IQCH: variants seen among roughly 807,000 people sequenced by gnomAD.
The protein encoded by IQCH is IQ motif containing H.
In IQCH, 98 loss-of-function variants were observed where a neutral mutation model predicts 117.0. That is an observed-to-expected ratio of 0.84 (90% CI 0.71 to 0.99). The LOEUF (loss-of-function observed/expected upper bound fraction) is 0.99, where lower values mean the gene tolerates loss of function less well. Ranked by LOEUF, IQCH falls within the 50% of genes least tolerant of loss-of-function variation. The probability of loss-of-function intolerance (pLI) is 0.00; values close to 1 mark genes in which losing one functional copy is unlikely to be tolerated. For missense variants in IQCH, 1,102 were observed against 1,243.8 expected (o/e 0.89, Z 1.72); for synonymous variants, 412 against 448.2 (o/e 0.92, Z 1.02).
chr15:67,391,780 C>T lies in IQCH; in HGVS notation c.1632+2774C>T, dbSNP rs912937124. On this transcript the variant is annotated intron_variant, in intron 12 of 20. Transcript: ENST00000335894. The surrounding 1 kb of genome is among the most constrained non-coding windows in gnomAD (Gnocchi z 4.3). ...TATTCACATTTAAATCTTTATTAAA[C>T]ACATATTGAACACAATACTGTGGCA... Among the ~76,000 whole-genome samples the T allele has an allele frequency of 3.3e-5, 5 of 152,180 alleles. No individual in the cohort carries two copies. The highest frequency in any genetic ancestry group is 9.7e-5 in the African/African-American group (4 of 41,442).
chr15:67,475,970 CAG>C lies in IQCH; in HGVS notation c.2799+154_2799+155del. ...AGGCTGATTGCTGCTTGGGGAAGAG[CAG>C]ATACGCAACTCCACAGAAAGTAGCA... On this transcript the variant is annotated intron_variant, in intron 18 of 20. Transcript: ENST00000335894. The surrounding 1 kb of genome is among the most constrained non-coding windows in gnomAD (Gnocchi z 5.7). 1 of 674,126 alleles carries C rather than the reference CAG, an allele frequency of 1.5e-6. No homozygotes were observed. Among genetic ancestry groups the C allele is most frequent in the Non-Finnish European group, 2.5e-6 (1 of 399,868 alleles). The allele number at this position is 674,126 out of a possible 1,614,324, so 41.8% of individuals were successfully genotyped here. A position where few individuals can be genotyped will look rare whatever the true frequency, so the allele number is the denominator to read the frequency against.
At chr15:67,460,994 C>T (rs748219260) in intron 16 of IQCH, among the ~76,000 whole-genome samples, 66 of 152,108 alleles carry the variant, frequency 4.3e-4, no homozygotes, top group Non-Finnish European at 7.8e-4. Flanking sequence ...TTGTTCAGGC[C>T]CCCATCATTG....
chr15:67,316,800 C>T (rs763474620), intron 4 of IQCH, among the ~76,000 whole-genome samples: 7 of 152,138 alleles, frequency 4.6e-5, no homozygotes, highest in Non-Finnish European at 7.4e-5. Flanking sequence ...CTCAACCAGT[C>T]GGACTTTCAA....
chr15:67,314,002 A>G (rs150318172), intron 4 of IQCH, among the ~76,000 whole-genome samples: 11 of 152,220 alleles, frequency 7.2e-5, no homozygotes, highest in African/African-American at 2.6e-4. Context: ...TCCCCTGACC[A>G]TTTACATACA....
At chr15:67,291,129 CATTCTAGACAATACCTAT>C (rs1966737184) in intron 4 of IQCH, among the ~76,000 whole-genome samples, 1 of 152,146 alleles carries the variant, frequency 6.6e-6, no homozygotes, top group African/African-American at 2.4e-5. Context: ...GTAACTGTCT[CATTCTAGACAATACCTAT>C]TGTTCAGCTT....
chr15:67,470,234 G>C (rs2083036094), intron 17 of IQCH, among the ~76,000 whole-genome samples: 1 of 152,132 alleles, frequency 6.6e-6, no homozygotes, highest in Non-Finnish European at 1.5e-5. Context: ...GCAGTGGCAC[G>C]ATCTTGGCTC....
chr15:67,360,058 G>C (rs944415174), intron 8 of IQCH, 173 bp downstream of exon 8: 8 of 572,482 alleles, frequency 1.4e-5, no homozygotes, highest in African/African-American at 1.4e-4. Flanking sequence ...AAAAAAACAT[G>C]GTTCATTTAA....
intron 16 of IQCH, among the ~76,000 whole-genome samples, chr15:67,462,384 C>CA (rs2082820160): frequency 2.0e-5 from 3 of 150,188 alleles, no homozygotes; most frequent in Admixed American, 2.0e-4. Flanking sequence ...GCCAAGTTCG[C>CA]ACCACTGCAC....
chr15:67,326,971 C>G (rs1376230041), intron 4 of IQCH, among the ~76,000 whole-genome samples: 3 of 152,064 alleles, frequency 2.0e-5, no homozygotes, highest in Non-Finnish European at 4.4e-5. Context: ...ATTTTAAGGA[C>G]TGATCAATAT....
intron 4 of IQCH, among the ~76,000 whole-genome samples, chr15:67,305,165 C>T (rs1366327113): frequency 6.6e-6 from 1 of 152,028 alleles, no homozygotes; most frequent in Admixed American, 6.6e-5. Flanking sequence ...TTTTTAAATA[C>T]ATTTTTAACC....
At chr15:67,332,543 G>A (rs1968709436) in intron 4 of IQCH, among the ~76,000 whole-genome samples, 1 of 152,176 alleles carries the variant, frequency 6.6e-6, no homozygotes, top group African/African-American at 2.4e-5. Context: ...AGCTCAAGCA[G>A]AGAAGCCATG....
chr15:67,457,082 T>A lies in IQCH; in HGVS notation c.2506-8045T>A, dbSNP rs2082675790. Among the ~76,000 whole-genome samples, 1 of 152,202 alleles carries A rather than the reference T, an allele frequency of 6.6e-6. No individual in the cohort carries two copies. The highest frequency in any genetic ancestry group is 2.4e-5 in the African/African-American group (1 of 41,456). ...CCCTGTACAGCGACAACTGCCGTTC[T>A]TCACTTCTCCAAGAGACTGGGCTAT... On this transcript the variant is annotated intron_variant, in intron 16 of 20. Transcript: ENST00000335894. This position sits in a 1 kb window ranked among gnomAD's most constrained non-coding sequence, Gnocchi z 5.7.
rs58790894 is a variant in IQCH at position 67,461,015 on chromosome 15, G to C, written c.2506-4112G>C. Among the ~76,000 whole-genome samples the C allele has an allele frequency of 5.0e-4, 76 of 152,318 alleles. No individual in the cohort carries two copies. In the East Asian group the frequency reaches 9.4e-3, roughly 19 times the overall value. ...AGGCCCCCATCATTGCTCACCTAAA[G>C]TGGGACAAGAGTACCTAGTGCTGAG... On this transcript the variant is annotated intron_variant, in intron 16 of 20. Transcript: ENST00000335894.
chr15:67,314,542 C>T (rs948339042), intron 4 of IQCH, among the ~76,000 whole-genome samples: 1 of 147,294 alleles, frequency 6.8e-6, no homozygotes, highest in Admixed American at 6.8e-5. Context: ...TACTTCCTGA[C>T]ATTTTTTTCT....
intron 3 of IQCH, among the ~76,000 whole-genome samples, chr15:67,263,480 T>A (rs1324869099): frequency 1.3e-5 from 2 of 152,148 alleles, no homozygotes; most frequent in Non-Finnish European, 2.9e-5. Flanking sequence ...ACCCCTCAAG[T>A]TTATGCAGAT....
chr15:67,362,521 T>G (rs1025723982), intron 8 of IQCH, among the ~76,000 whole-genome samples: 17 of 152,214 alleles, frequency 1.1e-4, no homozygotes, highest in African/African-American at 3.9e-4. Context: ...ACTGTAATTA[T>G]TTTATGGGTG....
intron 18 of IQCH, among the ~76,000 whole-genome samples, chr15:67,488,369 T>C (rs1215763285): frequency 6.6e-6 from 1 of 151,938 alleles, no homozygotes; most frequent in Non-Finnish European, 1.5e-5. Flanking sequence ...TTATAACGGG[T>C]TCAAAAGAGA....
In IQCH at chr15:67,454,335, G is replaced by A. The variant is rs1448448199; in HGVS notation, c.2506-10792G>A. The stretch of plus-strand genomic sequence containing the variant: ...TTCTGCGTCGCTCACGCTGGGAGCT[G>A]TAGACCGGAGCTGTTCGTATTCGGC... On this transcript the variant is annotated intron_variant, in intron 16 of 20. Transcript: ENST00000335894. The surrounding 1 kb of genome is among the most constrained non-coding windows in gnomAD (Gnocchi z 5.2). Among the ~76,000 whole-genome samples the A allele has an allele frequency of 6.6e-6, 1 of 152,232 alleles. No homozygotes were observed. The highest frequency in any genetic ancestry group is 1.9e-4 in the East Asian group (1 of 5,202).
intron 16 of IQCH, 147 bp from the exon 17 acceptor site, chr15:67,464,980 A>T: frequency 1.5e-6 from 1 of 662,964 alleles, no homozygotes; most frequent in East Asian, 2.7e-5. Context: ...ACAATGTACA[A>T]ACAGAAGGAA....
Sources: allele counts gnomAD v4.1 joint callset (sites outside exome capture counted in the v4.1 genomes callset), GRCh38; gene constraint gnomAD v4.1.1; non-coding constraint Gnocchi (gnomAD v3.1); transcripts MANE v1.5; gene names NCBI Gene and HGNC (gene_info 2026-07-23, HGNC 2026-07-21).